AKAP6: variants seen among roughly 807,000 people sequenced by gnomAD.
The protein encoded by AKAP6 is A-kinase anchoring protein 6.
A neutral mutation model predicts 188.5 loss-of-function variants in AKAP6; 58 were observed. That is an observed-to-expected ratio of 0.31 (90% CI 0.25 to 0.38). The LOEUF is 0.38. AKAP6 is among the 10% of genes least tolerant of loss of function. AKAP6 has a pLI of 1.00. For synonymous variants in AKAP6, 989 were observed against 998.6 expected, an observed-to-expected ratio of 0.99 and a Z score of 0.18; for missense variants, 2,710 against 2,740.0, an observed-to-expected ratio of 0.99 and a Z score of 0.24.
At chr14:32,380,334 C>T (rs80086323) in intron 1 of AKAP6, among the ~76,000 whole-genome samples, 3,925 of 152,258 alleles carry the variant, frequency 0.026, 87 homozygotes, top group Middle Eastern at 0.051. Flanking sequence ...CATGATCGAG[C>T]GACCTGTGGT....
intron 7 of AKAP6, among the ~76,000 whole-genome samples, chr14:32,629,503 T>C (rs1490619279): frequency 6.6e-6 from 1 of 151,016 alleles, no homozygotes; most frequent in East Asian, 1.9e-4. Context: ...TGAGTATATT[T>C]TCCCCCAAGA....
At chr14:32,460,663 C>T (rs1356786496) in intron 2 of AKAP6, among the ~76,000 whole-genome samples, 1 of 152,216 alleles carries the variant, frequency 6.6e-6, no homozygotes, top group Non-Finnish European at 1.5e-5. Context: ...AGACACCAAG[C>T]TAGCTGCAGG....
intron 7 of AKAP6, among the ~76,000 whole-genome samples, chr14:32,627,467 TA>T (rs1887070251): frequency 6.6e-6 from 1 of 152,096 alleles, no homozygotes; most frequent in Non-Finnish European, 1.5e-5. Context: ...CACTCTTCAT[TA>T]AGATATAAAA....
rs1434483722 is a variant in AKAP6 at position 32,806,726 on chromosome 14, ATGCAAG to A, written c.3589-14672_3589-14667del. Among the ~76,000 whole-genome samples, 3 of 152,214 alleles carry A rather than the reference ATGCAAG, an allele frequency of 2.0e-5. No homozygotes were observed. The South Asian group carries it at 6.2e-4, about 32-fold the overall frequency. On this transcript the variant is annotated intron_variant, in intron 12 of 13. Coordinates refer to ENST00000280979, the MANE Select transcript of AKAP6 (RefSeq NM_004274.5). ...GAACATTTGTTGAATGCATAAATGA[ATGCAAG>A]TGCTAAATTATGTGATTCTATCTCT... is the stretch of plus-strand genomic sequence containing the variant.
chr14:32,475,371 A>C (rs968858753), intron 2 of AKAP6, among the ~76,000 whole-genome samples: 2 of 152,146 alleles, frequency 1.3e-5, no homozygotes, highest in African/African-American at 4.8e-5. Flanking sequence ...CTACCTTCAC[A>C]TTGGCTACAG....
intron 1 of AKAP6, among the ~76,000 whole-genome samples, chr14:32,413,900 A>G (rs1265371250): frequency 6.6e-6 from 1 of 151,478 alleles, no homozygotes; most frequent in Non-Finnish European, 1.5e-5. Flanking sequence ...AGTACAAAAG[A>G]GTCCAGTGTC....
chr14:32,651,798 A>G (rs1218777176), intron 7 of AKAP6, among the ~76,000 whole-genome samples: 1 of 152,206 alleles, frequency 6.6e-6, no homozygotes, highest in Non-Finnish European at 1.5e-5. Flanking sequence ...CATTCAAACC[A>G]TAGTGTGGAT....
chr14:32,803,356 G>A (rs923702297), intron 12 of AKAP6, among the ~76,000 whole-genome samples: 12 of 151,660 alleles, frequency 7.9e-5, no homozygotes, highest in South Asian at 2.1e-4. Flanking sequence ...TGATCATGTC[G>A]GGTATACATA....
At chr14:32,589,722 AT>A (rs2031705413) in intron 5 of AKAP6, among the ~76,000 whole-genome samples, 1 of 152,094 alleles carries the variant, frequency 6.6e-6, no homozygotes, top group Non-Finnish European at 1.5e-5. Context: ...TTATTACTTT[AT>A]TTTTCTCTTT....
At chr14:32,725,353 A>G (rs1262903917) in intron 9 of AKAP6, among the ~76,000 whole-genome samples, 1 of 152,114 alleles carries the variant, frequency 6.6e-6, no homozygotes, top group African/African-American at 2.4e-5. Context: ...TCGGCAGCCT[A>G]CTCCCCGCTG....
At chr14:32,676,109 C>T (rs1889414447) in intron 7 of AKAP6, among the ~76,000 whole-genome samples, 1 of 152,102 alleles carries the variant, frequency 6.6e-6, no homozygotes, top group Non-Finnish European at 1.5e-5. Flanking sequence ...GGCACAAATG[C>T]ATTATTCTAA....
Position 32,821,669 on chromosome 14 carries a change from T to G in AKAP6, c.3856T>G (p.Tyr1286Asp). Residue 1286 changes from tyrosine to aspartate, a missense_variant, in exon 13 of 14, where the codon TAC becomes GAC. Transcript: ENST00000280979. ...NITAPSSPHI[Y>D]QVYSLHNVEL... ...TACTGCCCCCTCTAGTCCACACATT[T>G]ACCAGGTGTACAGCCTCCACAATGT... 1.2e-6 allele frequency: 2 copies of G among 1,613,716 alleles called. No individual in the cohort carries two copies. Among genetic ancestry groups the G allele is most frequent in the Non-Finnish European group, 1.7e-6 (2 of 1,179,870 alleles).
In AKAP6 at chr14:32,769,037, AT is replaced by A. The variant is rs544997334; in HGVS notation, c.3373-4614del. On this transcript the variant is annotated intron_variant, in intron 11 of 13. Coordinates refer to ENST00000280979, the MANE Select transcript of AKAP6 (RefSeq NM_004274.5). Reference sequence around the variant, plus strand: ...ACTAGGGGATGCAGCTGCTCTTTTGATTTTTTTTTTTTTTTTTTTTTTTTTT... The same window carrying A: ...ACTAGGGGATGCAGCTGCTCTTTTGATTTTTTTTTTTTTTTTTTTTTTTTT... Among the ~76,000 whole-genome samples, 177 of 56,916 alleles carry A rather than the reference AT, an allele frequency of 3.1e-3. 3 individuals carry two copies. Among genetic ancestry groups the A allele is most frequent in the African/African-American group, 1.0e-2 (140 of 14,052 alleles). The allele number at this position is 56,916 out of a possible 152,430, so 37.3% of individuals were successfully genotyped here.
rs540165767 is a variant in AKAP6, at chr14:32,751,322, A to C, written c.3372+15440A>C. On this transcript the variant is annotated intron_variant, in intron 11 of 13. Transcript: ENST00000280979. ...TACTTTTACCTCACATATAAACAAT[A>C]GCTTGGCTGAATATAAAATTTTTCT... is the stretch of plus-strand genomic sequence containing the variant. Among the ~76,000 whole-genome samples, 8 of 152,234 alleles carry C rather than the reference A, an allele frequency of 5.3e-5. No individual in the cohort carries two copies. In the East Asian group the frequency reaches 1.5e-3, roughly 29 times the overall value.
Position 32,773,730 on chromosome 14 carries a change from G to A in AKAP6, c.3425G>A (p.Arg1142Gln), listed in dbSNP as rs779936255. Residue 1142 changes from arginine to glutamine, a missense_variant, in exon 12 of 14, where the codon CGA becomes CAA. Around this residue, in one of 2 missense-constraint regions of AKAP6, gnomAD observed 2,473 missense variants for 2,426.1 expected, o/e 1.02. Transcript: ENST00000280979. ...CGTCGAGGAGTTGCCTCCATTCTGCGACTATGCCAGCATCTTTTGGATGAC... is the reference window on the plus strand; with the variant it reads ...CGTCGAGGAGTTGCCTCCATTCTGCAACTATGCCAGCATCTTTTGGATGAC... ...QRRRGVASIL[R>Q]LCQHLLDDRE... 7.4e-6 allele frequency: 12 copies of A among 1,614,114 alleles called. 1 individual carries two copies. Among genetic ancestry groups the A allele is most frequent in the South Asian group, 6.6e-5 (6 of 91,074 alleles).
At position 32,390,061 on chromosome 14, in the gene AKAP6, G is replaced by A. The variant is rs930531594; in HGVS notation, c.-34-43399G>A. Among the ~76,000 whole-genome samples, 3 of 151,592 alleles carry A rather than the reference G, an allele frequency of 2.0e-5. 1 individual carries two copies. Among genetic ancestry groups the A allele is most frequent in the Non-Finnish European group, 4.4e-5 (3 of 67,884 alleles). On this transcript the variant is annotated intron_variant, in intron 1 of 13. Transcript: ENST00000280979. ...CATATTTTCTTATTCTTTTTTCTTT[G>A]TCTCTGTTGGATTGGGTTAGTTTGA...
At chr14:32,348,764 T>A (rs1398504447) in intron 1 of AKAP6, among the ~76,000 whole-genome samples, 1 of 152,162 alleles carries the variant, frequency 6.6e-6, no homozygotes, top group Non-Finnish European at 1.5e-5. Context: ...AGGCTTCTGA[T>A]ACATGCTAAA....
chr14:32,792,812 G>A (rs1315642854), intron 12 of AKAP6, among the ~76,000 whole-genome samples: 2 of 152,200 alleles, frequency 1.3e-5, no homozygotes, highest in African/African-American at 4.8e-5. Context: ...TTTATTGAGT[G>A]TTTTTAGCAT....
intron 9 of AKAP6, among the ~76,000 whole-genome samples, chr14:32,698,835 C>T (rs187449167): frequency 3.9e-5 from 6 of 152,188 alleles, no homozygotes; most frequent in East Asian, 3.9e-4. Context: ...CTAGTATTAA[C>T]GAAAAGGATG....
Sources: allele counts gnomAD v4.1 joint callset (sites outside exome capture counted in the v4.1 genomes callset), GRCh38; gene constraint gnomAD v4.1.1; regional missense constraint gnomAD v4.1.1; transcripts MANE v1.5; gene names NCBI Gene and HGNC (gene_info 2026-07-23, HGNC 2026-07-21).